Variants in UCHL5 observed in about 807,000 individuals in gnomAD.
The protein encoded by UCHL5 is ubiquitin C-terminal hydrolase L5.
Under a neutral mutation model 53.8 loss-of-function variants are expected in UCHL5, and 34 were observed. The ratio of observed to expected loss-of-function variants is 0.63; its 90% CI spans 0.48 to 0.84. UCHL5 has a LOEUF of 0.84. UCHL5 is among the 40% of genes least tolerant of loss of function. The pLI, the probability that UCHL5 is intolerant of heterozygous loss-of-function variation, is 0.00. For missense variants in UCHL5, 290 were observed against 385.6 expected, an observed-to-expected ratio of 0.75 and a Z score of 2.08; for synonymous variants, 111 against 126.3, an observed-to-expected ratio of 0.88 and a Z score of 0.81.
intron 9 of UCHL5, 89 bp downstream of exon 9, chr1:193,022,837 G>A: frequency 1.2e-6 from 1 of 850,140 alleles, no homozygotes; most frequent in Non-Finnish European, 1.9e-6. Context: ...ATGATAGGAG[G>A]GAAAGCCATC....
At chr1:193,052,905 T>A (rs746875946) in intron 1 of UCHL5, among the ~76,000 whole-genome samples, 2 of 152,112 alleles carry the variant, frequency 1.3e-5, no homozygotes, top group Non-Finnish European at 2.9e-5. Context: ...TAATTTTTCA[T>A]ATGATTTTCA....
At chr1:193,047,807 T>A (rs143110880) in intron 3 of UCHL5, among the ~76,000 whole-genome samples, 2 of 152,186 alleles carry the variant, frequency 1.3e-5, no homozygotes, top group African/African-American at 4.8e-5. Flanking sequence ...TCTGCACTGT[T>A]GGCACAAAAG....
At chr1:193,025,548 G>A (rs921184806) in intron 7 of UCHL5, among the ~76,000 whole-genome samples, 3 of 152,192 alleles carry the variant, frequency 2.0e-5, no homozygotes, top group Non-Finnish European at 4.4e-5. Context: ...CTCTCAGCCA[G>A]AGTGGTATCA....
rs1211721310 is a variant in UCHL5 at position 193,029,406 on chromosome 1, A to G, written c.416T>C (p.Val139Ala). ...TCTTTACCTGGCGAAACTGTTGTGT[A>G]CTTGTCGAATCACATCTGAATTGCT... ...ALSNSDVIRQ[V>A]HNSFARQQMF... Residue 139 changes from valine (V) to alanine (A), a missense_variant, in exon 5 of 11, where the codon GTA becomes GCA. Val to Ala is a moderately conservative substitution (Grantham distance 64, BLOSUM62 0). Coordinates refer to ENST00000367454, the MANE Select transcript of UCHL5 (RefSeq NM_001199261.3). 6.2e-7 allele frequency: 1 copy of G among 1,613,670 alleles called. No individual in the cohort carries two copies. Among genetic ancestry groups the G allele is most frequent in the Non-Finnish European group, 8.5e-7 (1 of 1,179,868 alleles).
chr1:193,029,139 C>T (rs1249568628), intron 6 of UCHL5, 40 bp downstream of exon 6: 2 of 1,595,326 alleles, frequency 1.3e-6, no homozygotes, highest in Admixed American at 1.8e-5. Context: ...CAGATTTTCC[C>T]CTGTCAAAAG....
chr1:193,023,790 T>C, intron 8 of UCHL5, 54 bp downstream of exon 8: 1 of 1,327,864 alleles, frequency 7.5e-7, no homozygotes, highest in African/African-American at 1.5e-5. Flanking sequence ...GTAAATACTT[T>C]TCCTGAGAGA....
intron 3 of UCHL5, among the ~76,000 whole-genome samples, chr1:193,038,454 CAAA>C (rs35259109): frequency 4.2e-5 from 3 of 70,930 alleles, no homozygotes; most frequent in Admixed American, 1.5e-4. Flanking sequence ...GACTTCATCT[CAAA>C]AAAAAAAAAA....
At chr1:193,041,130 T>G (rs551101287) in intron 3 of UCHL5, among the ~76,000 whole-genome samples, 2 of 152,178 alleles carry the variant, frequency 1.3e-5, no homozygotes, top group African/African-American at 2.4e-5. Context: ...AAAATAGCTA[T>G]AAGAGGATAA....
chr1:193,043,525 G>T (rs1666401469), intron 3 of UCHL5, among the ~76,000 whole-genome samples: 1 of 152,194 alleles, frequency 6.6e-6, no homozygotes, highest in South Asian at 2.1e-4. Flanking sequence ...CCAAAGAGAG[G>T]TCTGGGCTTT....
In UCHL5 at chr1:193,013,328, T is replaced by C. The variant is rs1654422786; in HGVS notation, c.*3023A>G. 6.6e-6 allele frequency: 1 copy of C among 152,206 alleles called. No homozygotes were observed. Among genetic ancestry groups the C allele is most frequent in the Non-Finnish European group, 1.5e-5 (1 of 68,024 alleles). The allele number at this position is 152,206 out of a possible 1,614,324, so 9.4% of individuals were successfully genotyped here. A position where few individuals can be genotyped will look rare whatever the true frequency, so the allele number is the denominator to read the frequency against. ...TCCTCCAAACCTTCCAATGATTTTG[T>C]AAGAAACTATGTAGTTTCAAAACTC... On this transcript the variant is annotated 3_prime_UTR_variant, in exon 11 of 11. Transcript: ENST00000367454.
At position 193,023,030 on chromosome 1, in the gene UCHL5, T is replaced by G. The variant is rs185520390; in HGVS notation, c.739A>C (p.Met247Leu). The G allele has an allele frequency of 1.2e-6, 2 of 1,610,832 alleles. No homozygotes were observed. The highest frequency in any genetic ancestry group is 1.7e-5 in the Admixed American group (1 of 59,846). ...ATACTATTACCTTGATCTGTATCCA[T>G]GGGTTCCTCCTTGGGGGAAGGAAAA... Reference protein sequence around the residue: ...ELQRQLAEEPMDTDQGNSMLS... With the variant: ...ELQRQLAEEPLDTDQGNSMLS... The change falls in exon 9 of 11, where the codon ATG becomes CTG. Residue 247 changes from methionine to leucine, a missense_variant. Coordinates refer to ENST00000367454, the MANE Select transcript of UCHL5 (RefSeq NM_001199261.3).
chr1:193,059,976 C>T (rs766159439), upstream of UCHL5: 2 of 1,366,414 alleles, frequency 1.5e-6, no homozygotes, highest in African/African-American at 1.5e-5. This position sits in a 1 kb window ranked among gnomAD's most constrained non-coding sequence, Gnocchi z 4.9. Flanking sequence ...TAGGGACATC[C>T]TCGCTAGGCC....
chr1:193,025,537 C>T lies in UCHL5; in HGVS notation c.630-1591G>A, dbSNP rs375415261. ...AAAGCAATAGCAAGGCACTCCTACC[C>T]CTCTCAGCCAGAGTGGTATCAACAG... On this transcript the variant is annotated intron_variant, in intron 7 of 10. Transcript: ENST00000367454. Among the ~76,000 whole-genome samples the T allele has an allele frequency of 9.2e-5, 14 of 152,336 alleles. No individual in the cohort carries two copies. In the East Asian group the frequency reaches 2.5e-3, roughly 27 times the overall value.
intron 1 of UCHL5, among the ~76,000 whole-genome samples, chr1:193,053,917 C>A (rs1669841736): frequency 6.7e-6 from 1 of 150,068 alleles, no homozygotes; most frequent in Admixed American, 6.7e-5. Context: ...CAAGCACATA[C>A]AATGCAAAAA....
chr1:193,059,724 C>T (rs1168536062), upstream of UCHL5: 12 of 1,353,570 alleles, frequency 8.9e-6, no homozygotes, highest in African/African-American at 1.5e-5. This position sits in a 1 kb window ranked among gnomAD's most constrained non-coding sequence, Gnocchi z 4.9. Context: ...CAGCGCTGCG[C>T]AGGACTTCTC....
At chr1:193,038,970 A>T (rs1206073272) in intron 3 of UCHL5, among the ~76,000 whole-genome samples, 1 of 152,206 alleles carries the variant, frequency 6.6e-6, no homozygotes, top group African/African-American at 2.4e-5. Flanking sequence ...CACTCCAGAC[A>T]GAGCAAGACC....
At position 193,014,705 on chromosome 1, in the gene UCHL5, C is replaced by T. The variant is rs1290556077; in HGVS notation, c.*1646G>A. The T allele has an allele frequency of 6.6e-6, 1 of 152,054 alleles. No individual in the cohort carries two copies. Among genetic ancestry groups the T allele is most frequent in the Non-Finnish European group, 1.5e-5 (1 of 67,970 alleles). 9.4% of individuals were successfully genotyped at this position (152,054 alleles called of 1,614,324 possible). The stretch of plus-strand genomic sequence containing the variant: ...GGCTCCATTTGTTGAAAAGACTTTC[C>T]TTCTCTGTTGAATTGTTTTGCCACC... On this transcript the variant is annotated 3_prime_UTR_variant, in exon 11 of 11. Coordinates refer to ENST00000367454, the MANE Select transcript of UCHL5 (RefSeq NM_001199261.3).
At chr1:193,040,024 A>C (rs1355536393) in intron 3 of UCHL5, among the ~76,000 whole-genome samples, 1 of 152,212 alleles carries the variant, frequency 6.6e-6, no homozygotes, top group East Asian at 1.9e-4. Context: ...TAAATATAAG[A>C]CTTGAAATTA....
intron 10 of UCHL5, among the ~76,000 whole-genome samples, chr1:193,019,064 A>G (rs891033249): frequency 1.3e-5 from 2 of 151,636 alleles, no homozygotes; most frequent in Non-Finnish European, 3.0e-5. Flanking sequence ...AGATGAACAA[A>G]AATATATTCT....
Sources: gnomAD v4.1 joint callset for allele counts (sites outside exome capture counted in the v4.1 genomes callset) on GRCh38, gnomAD v4.1.1 for gene constraint, Gnocchi (gnomAD v3.1) non-coding constraint, MANE v1.5 for transcripts, NCBI Gene and HGNC (gene_info 2026-07-23, HGNC 2026-07-21) for gene names.